Variants in ESR1 observed in about 807,000 individuals in gnomAD.
ESR1 encodes the protein estrogen receptor 1.
ESR1 carries 12 observed loss-of-function variants against 52.7 expected under a neutral mutation model. The ratio of observed to expected loss-of-function variants is 0.23; its 90% confidence interval spans 0.15 to 0.37. The LOEUF (loss-of-function observed/expected upper bound fraction) is 0.37. Among genes scored for constraint, ESR1 ranks in the 10% least tolerant of loss-of-function variants. The probability of loss-of-function intolerance (pLI) is 1.00; values close to 1 mark genes in which losing one functional copy is unlikely to be tolerated. For missense variants in ESR1, 584 were observed against 779.7 expected (o/e 0.75, Z 2.99); for synonymous variants, 305 against 316.8 (o/e 0.96, Z 0.39).
chr6:152,028,504 G>A (rs1280926882), intron 5 of ESR1, among the ~76,000 whole-genome samples: 3 of 152,192 alleles, frequency 2.0e-5, no homozygotes, highest in Admixed American at 1.3e-4. Flanking sequence ...TATATCCTGT[G>A]CCTGGCTCAG....
At chr6:151,750,481 T>C (rs563964022) in intron 2 of ESR1, among the ~76,000 whole-genome samples, 71 of 152,274 alleles carry the variant, frequency 4.7e-4, no homozygotes, top group African/African-American at 1.6e-3. Flanking sequence ...ATAATACTGG[T>C]GAGCAAGGAG....
chr6:152,057,067 T>G (rs2047164820), intron 5 of ESR1, among the ~76,000 whole-genome samples: 2 of 152,166 alleles, frequency 1.3e-5, no homozygotes, highest in Non-Finnish European at 2.9e-5. Context: ...GTATAGAATA[T>G]TTTGGCTAGA....
rs2047328625 is a variant in ESR1 at position 152,058,992 on chromosome 6, A to AT, written c.1236-1994dup. On this transcript the variant is annotated intron_variant, in intron 5 of 7. Transcript: ENST00000206249. ...TATGAATATATCAGAAGTAATCAAC[A>AT]TTTTTAAGTCAAAGAAAAGAACGTC... is the stretch of plus-strand genomic sequence containing the variant. 3.3e-5 allele frequency among the ~76,000 whole-genome samples: 5 copies of AT among 152,124 alleles called. No individual in the cohort carries two copies. In the South Asian group the frequency reaches 1.0e-3, roughly 32 times the overall value.
At chr6:151,899,607 G>A (rs1796312958) in intron 3 of ESR1, among the ~76,000 whole-genome samples, 1 of 151,738 alleles carries the variant, frequency 6.6e-6, no homozygotes, top group Non-Finnish European at 1.5e-5. Flanking sequence ...GGACGGGGTG[G>A]CTGCCGGGCG....
At chr6:151,985,379 G>T (rs1584650961) in intron 4 of ESR1, among the ~76,000 whole-genome samples, 1 of 151,398 alleles carries the variant, frequency 6.6e-6, no homozygotes, top group African/African-American at 2.4e-5. Flanking sequence ...ATGGTGGCAT[G>T]TGCCTGTAAT....
intron 2 of ESR1, among the ~76,000 whole-genome samples, chr6:151,767,615 A>G (rs1785170323): frequency 6.6e-6 from 1 of 152,248 alleles, no homozygotes; most frequent in Non-Finnish European, 1.5e-5. Context: ...TAGGTAATAT[A>G]TATGATTTAT....
At chr6:151,888,053 T>G (rs1190307949) in intron 3 of ESR1, among the ~76,000 whole-genome samples, 1 of 152,210 alleles carries the variant, frequency 6.6e-6, no homozygotes, top group African/African-American at 2.4e-5. Flanking sequence ...CAATACATGC[T>G]GTTTTAATTA....
intron 1 of ESR1, among the ~76,000 whole-genome samples, chr6:151,831,258 T>C (rs1446126719): frequency 6.6e-6 from 1 of 151,802 alleles, no homozygotes; most frequent in Non-Finnish European, 1.5e-5. Flanking sequence ...TCTTCCCACC[T>C]CAACCTCCTG....
chr6:151,693,512 G>C (rs1197232417), intron 1 of ESR1, among the ~76,000 whole-genome samples: 2 of 152,210 alleles, frequency 1.3e-5, no homozygotes, highest in Non-Finnish European at 2.9e-5. Context: ...TTGCTGAGAT[G>C]AGCGTGTCAA....
intron 1 of ESR1, among the ~76,000 whole-genome samples, chr6:151,672,210 T>G (rs1308183061): frequency 2.6e-5 from 4 of 152,150 alleles, no homozygotes; most frequent in Non-Finnish European, 5.9e-5. Flanking sequence ...TTTAATCATT[T>G]CACATTGTAT....
Position 151,815,518 on chromosome 6 carries a change from AG to A in ESR1, c.452+7155del, listed in dbSNP as rs1237144814. Among the ~76,000 whole-genome samples the A allele has an allele frequency of 2.0e-5, 3 of 152,346 alleles. No individual in the cohort carries two copies. In the East Asian group the frequency reaches 5.8e-4, roughly 29 times the overall value. On this transcript the variant is annotated intron_variant, in intron 1 of 7. Coordinates refer to ENST00000206249, the MANE Select transcript of ESR1 (RefSeq NM_000125.4). ...AAGCATCAGGGACATGGTTTGCTTC[AG>A]TCTATTGGCTGGGAGAAAGGCCATT... is the stretch of plus-strand genomic sequence containing the variant.
intron 2 of ESR1, among the ~76,000 whole-genome samples, chr6:151,871,005 C>A (rs1185587524): frequency 6.6e-6 from 1 of 152,024 alleles, no homozygotes; most frequent in Non-Finnish European, 1.5e-5. Flanking sequence ...GACCACACTA[C>A]CACACTTGGC....
intron 2 of ESR1, among the ~76,000 whole-genome samples, chr6:151,771,006 C>T (rs1018040760): frequency 6.6e-6 from 1 of 152,138 alleles, no homozygotes; most frequent in Non-Finnish European, 1.5e-5. Flanking sequence ...CAGTGAGATG[C>T]CCCAGCTATG....
At chr6:151,882,208 A>C (rs1793060295) in intron 3 of ESR1, among the ~76,000 whole-genome samples, 1 of 152,210 alleles carries the variant, frequency 6.6e-6, no homozygotes, top group Non-Finnish European at 1.5e-5. Flanking sequence ...ATTGTTAACA[A>C]GCTTACAGTG....
intron 4 of ESR1, among the ~76,000 whole-genome samples, chr6:151,982,330 A>G (rs2040068400): frequency 6.6e-6 from 1 of 152,244 alleles, no homozygotes; most frequent in African/African-American, 2.4e-5. Context: ...AGCATGTTTA[A>G]CATGCAAAAT....
At chr6:151,828,459 A>G (rs1396693893) in intron 1 of ESR1, among the ~76,000 whole-genome samples, 10 of 152,346 alleles carry the variant, frequency 6.6e-5, no homozygotes, top group Admixed American at 6.5e-5. Flanking sequence ...AAGGGCTAGA[A>G]AAGGTTATTC....
At chr6:151,943,327 C>G (rs1584377860) in intron 3 of ESR1, among the ~76,000 whole-genome samples, 1 of 151,572 alleles carries the variant, frequency 6.6e-6, no homozygotes, top group African/African-American at 2.4e-5. Flanking sequence ...TTGCAGTGGG[C>G]CGAGATCCCG....
At chr6:151,661,915 T>C (rs908668182) in intron 1 of ESR1, among the ~76,000 whole-genome samples, 2 of 152,194 alleles carry the variant, frequency 1.3e-5, no homozygotes, top group African/African-American at 4.8e-5. Context: ...TTCCCAGCCA[T>C]GTGGAAATAT....
intron 4 of ESR1, among the ~76,000 whole-genome samples, chr6:152,010,734 T>C (rs1275883682): frequency 6.6e-6 from 1 of 152,106 alleles, no homozygotes; most frequent in Non-Finnish European, 1.5e-5. Flanking sequence ...TCTCTGAGCA[T>C]CTGTCTTCTC....
Sources: allele counts gnomAD v4.1 joint callset (sites outside exome capture counted in the v4.1 genomes callset), GRCh38; gene constraint gnomAD v4.1.1; transcripts MANE v1.5; gene names NCBI Gene and HGNC (gene_info 2026-07-23, HGNC 2026-07-21).